ARHGAP25: variants seen among roughly 807,000 people sequenced by gnomAD.
ARHGAP25 encodes the protein Rho GTPase activating protein 25.
ARHGAP25 carries 34 observed loss-of-function variants against 71.0 expected under a neutral mutation model. The observed-to-expected ratio is 0.48, with a 90% confidence interval of 0.36 to 0.64. The LOEUF (loss-of-function observed/expected upper bound fraction) is 0.64. Ranked by LOEUF, ARHGAP25 falls within the 30% of genes least tolerant of loss-of-function variation. ARHGAP25 has a pLI of 0.00. For synonymous variants in ARHGAP25, 282 were observed against 296.5 expected, an observed-to-expected ratio of 0.95 and a Z score of 0.50; for missense variants, 706 against 805.1, an observed-to-expected ratio of 0.88 and a Z score of 1.49.
intron 4 of ARHGAP25, among the ~76,000 whole-genome samples, chr2:68,791,074 G>A (rs925238047): frequency 6.6e-6 from 1 of 152,110 alleles, no homozygotes; most frequent in African/African-American, 2.4e-5. Flanking sequence ...GTCCCTTACC[G>A]TCTTCAGGTC....
At chr2:68,711,599 C>T (rs184681704) in intron 2 of ARHGAP25, among the ~76,000 whole-genome samples, 30 of 152,138 alleles carry the variant, frequency 2.0e-4, no homozygotes, top group African/African-American at 6.5e-4. Flanking sequence ...ATACATGTGT[C>T]ATGGTGATTT....
At chr2:68,815,471 G>C (rs1191595823) in intron 6 of ARHGAP25, among the ~76,000 whole-genome samples, 2 of 69,062 alleles carry the variant, frequency 2.9e-5, no homozygotes, top group Non-Finnish European at 5.4e-5. Context: ...TTTTTTTTGA[G>C]ATGGAGTTTG....
intron 1 of ARHGAP25, among the ~76,000 whole-genome samples, chr2:68,768,252 A>G (rs1339126011): frequency 6.6e-6 from 1 of 152,176 alleles, no homozygotes. Flanking sequence ...GGCTCGTGGT[A>G]AGTACTCAAT....
chr2:68,803,616 G>T (rs111449950), intron 4 of ARHGAP25, among the ~76,000 whole-genome samples: 1 of 152,198 alleles, frequency 6.6e-6, no homozygotes, highest in East Asian at 1.9e-4. Flanking sequence ...TCAATTGAAA[G>T]AGAAAATTTC....
At chr2:68,739,694 C>T (rs1167802465) in intron 1 of ARHGAP25, among the ~76,000 whole-genome samples, 2 of 152,056 alleles carry the variant, frequency 1.3e-5, no homozygotes, top group Non-Finnish European at 2.9e-5. Flanking sequence ...CCAAATAGTA[C>T]CGGAAGAGCA....
intron 1 of ARHGAP25, among the ~76,000 whole-genome samples, chr2:68,754,598 G>C (rs1057353463): frequency 6.6e-6 from 1 of 152,156 alleles, no homozygotes; most frequent in Admixed American, 6.5e-5. Flanking sequence ...GGTAAATATT[G>C]AGGAGTGCTA....
rs373279523 is a variant in ARHGAP25 at position 68,778,332 on chromosome 2, G to A, written c.261+2912G>A. Among the ~76,000 whole-genome samples, 25 of 151,806 alleles carry A rather than the reference G, an allele frequency of 1.6e-4. No individual in the cohort carries two copies. The South Asian group carries it at 4.8e-3, about 29-fold the overall frequency. On this transcript the variant is annotated intron_variant, in intron 2 of 10. Coordinates refer to ENST00000409202, the MANE Select transcript of ARHGAP25 (RefSeq NM_001007231.3). Reference sequence around the variant, plus strand: ...CTTTAAAAAGCAGTTTACAACAGAAGATGATGTATATACTAATCCCATTCT... The same window carrying A: ...CTTTAAAAAGCAGTTTACAACAGAAAATGATGTATATACTAATCCCATTCT...
upstream of ARHGAP25, among the ~76,000 whole-genome samples, chr2:68,730,221 G>C (rs1674982988): frequency 6.6e-6 from 1 of 152,212 alleles, no homozygotes; most frequent in African/African-American, 2.4e-5. Flanking sequence ...AGGAAACCAA[G>C]AATGGGAAAA....
chr2:68,819,459 C>T (rs1381987184), intron 9 of ARHGAP25, 140 bp downstream of exon 9: 1 of 828,570 alleles, frequency 1.2e-6, no homozygotes, highest in Admixed American at 2.0e-5. Flanking sequence ...ACAGACTCAT[C>T]TGAACACACC....
intron 1 of ARHGAP25, among the ~76,000 whole-genome samples, chr2:68,742,836 T>A (rs567418865): frequency 2.0e-5 from 3 of 152,372 alleles, no homozygotes; most frequent in Admixed American, 2.0e-4. Flanking sequence ...CATGCTGATC[T>A]GCAGTTGACT....
chr2:68,822,573 G>C lies in ARHGAP25; in HGVS notation c.1434G>C (p.Lys478Asn). 1 of 1,614,174 alleles carries C rather than the reference G, an allele frequency of 6.2e-7. No homozygotes were observed. Among genetic ancestry groups the C allele is most frequent in the Non-Finnish European group, 8.5e-7 (1 of 1,180,040 alleles). ...NEFWSPSSEAKAGEGHRRTMS... is the reference protein window; with the variant it reads ...NEFWSPSSEANAGEGHRRTMS... ...TCTGGTCGCCTTCCTCAGAGGCTAA[G>C]GCAGGGGAAGGGCACAGGAGAACGA... is the stretch of plus-strand genomic sequence containing the variant. Residue 478 changes from lysine (K) to asparagine (N), a missense_variant, in exon 10 of 11, where the codon AAG (lysine) becomes AAC (asparagine). Physicochemically the swap from Lys to Asn is moderately conservative, Grantham distance 94 (BLOSUM62 0). Transcript: ENST00000409202.
intron 4 of ARHGAP25, among the ~76,000 whole-genome samples, chr2:68,791,284 G>A (rs1007962498): frequency 6.6e-6 from 1 of 152,128 alleles, no homozygotes; most frequent in East Asian, 1.9e-4. Context: ...GGCAGGAATT[G>A]TTTTTCTCTT....
chr2:68,762,223 C>T (rs1483921024), intron 1 of ARHGAP25, among the ~76,000 whole-genome samples: 2 of 152,006 alleles, frequency 1.3e-5, no homozygotes, highest in African/African-American at 4.8e-5. Context: ...GTTACCAGGG[C>T]TAGGGAAAGA....
At chr2:68,821,092 CTTTTTTTT>C (rs34119311) in intron 9 of ARHGAP25, among the ~76,000 whole-genome samples, 3 of 99,452 alleles carry the variant, frequency 3.0e-5, no homozygotes, top group Non-Finnish European at 5.6e-5. Flanking sequence ...CTTTTTCTTT[CTTTTTTTT>C]TTTTTTTTTT....
intron 1 of ARHGAP25, among the ~76,000 whole-genome samples, chr2:68,747,581 A>G (rs1031748969): frequency 4.6e-5 from 7 of 152,108 alleles, no homozygotes; most frequent in African/African-American, 1.7e-4. Flanking sequence ...TAACTTTCAT[A>G]CATTAGCTCC....
chr2:68,744,920 G>A (rs1020598992), intron 1 of ARHGAP25, among the ~76,000 whole-genome samples: 3 of 152,210 alleles, frequency 2.0e-5, no homozygotes, highest in African/African-American at 7.2e-5. Context: ...GGTAATGAAA[G>A]TGATTGATAA....
At chr2:68,758,948 A>C (rs893498603) in intron 1 of ARHGAP25, among the ~76,000 whole-genome samples, 1 of 151,976 alleles carries the variant, frequency 6.6e-6, no homozygotes, top group Non-Finnish European at 1.5e-5. Flanking sequence ...TAATAAAAGA[A>C]GGAATAGTAG....
intron 2 of ARHGAP25, among the ~76,000 whole-genome samples, chr2:68,728,652 T>G (rs552926664): frequency 4.7e-4 from 72 of 152,278 alleles, no homozygotes; most frequent in Non-Finnish European, 1.5e-4. Context: ...ATTCCAGCAC[T>G]TTGAGAGGCT....
At chr2:68,806,748 A>T (rs775434602) in intron 4 of ARHGAP25, among the ~76,000 whole-genome samples, 58 of 152,188 alleles carry the variant, frequency 3.8e-4, no homozygotes, top group Non-Finnish European at 6.9e-4. Context: ...TTGACCGTGG[A>T]TAAGGGAGGA....
Sources: gnomAD v4.1 joint callset for allele counts (sites outside exome capture counted in the v4.1 genomes callset) on GRCh38, gnomAD v4.1.1 for gene constraint, MANE v1.5 for transcripts, NCBI Gene and HGNC (gene_info 2026-07-23, HGNC 2026-07-21) for gene names.